UVSSA: variants seen among roughly 807,000 people sequenced by gnomAD.
UVSSA encodes UV-stimulated scaffold protein A.
UVSSA carries 72 observed loss-of-function variants against 73.9 expected under a neutral mutation model. That is an observed-to-expected ratio of 0.97 (90% CI 0.81 to 1.19). UVSSA has a LOEUF of 1.19. Among genes scored for constraint, UVSSA ranks in the 50% most tolerant of loss-of-function variants. The pLI is 0.00. For missense variants in UVSSA, 1,150 were observed against 965.0 expected, an observed-to-expected ratio of 1.19 and a Z score of -2.54; for synonymous variants, 454 against 391.3, an observed-to-expected ratio of 1.16 and a Z score of -1.89.
rs533644315 is a variant in UVSSA, at chr4:1,356,176, T to C, written c.1176+931T>C. On this transcript the variant is annotated intron_variant, in intron 7 of 13. Transcript: ENST00000389851. Reference sequence around the variant, plus strand: ...CCTGGCCTAGGAGATGGTGGCCTTTTGGCTCTCCCCACTTTAAGGAAAGCT... The same window carrying C: ...CCTGGCCTAGGAGATGGTGGCCTTTCGGCTCTCCCCACTTTAAGGAAAGCT... Among the ~76,000 whole-genome samples the C allele has an allele frequency of 9.3e-4, 142 of 152,268 alleles. 1 individual carries two copies. Among genetic ancestry groups the C allele is most frequent in the African/African-American group, 3.3e-3 (139 of 41,560 alleles).
At position 1,376,198 on chromosome 4, in the gene UVSSA, G is replaced by A. The variant is rs753512206; in HGVS notation, c.1568+30G>A. ...GTCCCCATGTGTCTGAAGTCGGCCA[G>A]GGCACACAACCAGGGTCCCAGCCTG... On this transcript the variant is annotated intron_variant, in intron 10 of 13. Coordinates refer to ENST00000389851, the MANE Select transcript of UVSSA (RefSeq NM_020894.4). 2.5e-6 allele frequency: 4 copies of A among 1,589,872 alleles called. No individual in the cohort carries two copies. The African/African-American group carries it at 5.4e-5, about 21-fold the overall frequency.
At chr4:1,375,021 CAG>C (rs1718580461) in intron 8 of UVSSA, 3 of 286,094 alleles carry the variant, frequency 1.0e-5, no homozygotes, top group Non-Finnish European at 6.6e-6. Flanking sequence ...GGGTGCCGGG[CAG>C]TCTGGGCTCT....
At chr4:1,378,565 A>C (rs1719053884) in intron 10 of UVSSA, among the ~76,000 whole-genome samples, 1 of 151,994 alleles carries the variant, frequency 6.6e-6, no homozygotes, top group South Asian at 2.1e-4. Context: ...AAAAATAGCC[A>C]GTGGTCCTCG....
chr4:1,374,999 G>T, intron 8 of UVSSA: 1 of 243,582 alleles, frequency 4.1e-6, no homozygotes, highest in Non-Finnish European at 8.0e-6. Flanking sequence ...AGCTGCCGGG[G>T]CTATGGGCAC....
chr4:1,389,574 T>A (rs1336459346), downstream of UVSSA: 1 of 152,246 alleles, frequency 6.6e-6, no homozygotes, highest in Non-Finnish European at 1.5e-5. Context: ...AGATGGGGTC[T>A]CACTATGTTG....
rs777295054 is a variant in UVSSA at position 1,380,961 on chromosome 4, C to T, written c.1834C>T (p.Arg612Trp). 129 of 1,612,710 alleles carry T rather than the reference C, an allele frequency of 8.0e-5. No homozygotes were observed. The highest frequency in any genetic ancestry group is 3.3e-4 in the East Asian group (15 of 44,868). The part of the protein sequence containing the change: ...DPEDRAREQR[R>W]QLQKQERPEW... ...GGAAGACAGGGCTCGTGAGCAGCGG[C>T]GGCAGCTGCAGAAGCAGGAGCGCCC... Residue 612 changes from arginine to tryptophan, a missense_variant, in exon 12 of 14, where the codon CGG becomes TGG. Coordinates refer to ENST00000389851, the MANE Select transcript of UVSSA (RefSeq NM_020894.4).
intron 2 of UVSSA, 56 bp from the exon 3 acceptor site, chr4:1,349,468 C>T (rs1338716400): frequency 8.4e-6 from 13 of 1,551,484 alleles, no homozygotes; most frequent in African/African-American, 1.4e-5. Flanking sequence ...GGAGAGTCTC[C>T]CCCCGCCCAT....
chr4:1,356,353 C>G (rs1412646266), intron 7 of UVSSA, among the ~76,000 whole-genome samples: 1 of 152,114 alleles, frequency 6.6e-6, no homozygotes, highest in Non-Finnish European at 1.5e-5. Flanking sequence ...GCCCCGCGTC[C>G]CCAACGTGGT....
downstream of UVSSA, chr4:1,390,680 A>C (rs1720391373): frequency 6.6e-6 from 1 of 152,278 alleles, no homozygotes; most frequent in Admixed American, 6.5e-5. Context: ...TTATTGGCAT[A>C]CCGTATTTTC....
intron 4 of UVSSA, 88 bp downstream of exon 4, chr4:1,351,923 C>T: frequency 6.4e-7 from 1 of 1,551,402 alleles, no homozygotes; most frequent in Non-Finnish European, 8.7e-7. Flanking sequence ...AGGGCCCCAG[C>T]CGCAAGGAAC....
chr4:1,359,533 A>G lies in UVSSA; in HGVS notation c.1176+4288A>G, dbSNP rs3796613. The G allele has an allele frequency of 7.2e-5, 11 of 152,194 alleles. No homozygotes were observed. The East Asian group carries it at 2.1e-3, about 29-fold the overall frequency. 9.4% of individuals were successfully genotyped at this position (152,194 alleles called of 1,614,324 possible). A position where few individuals can be genotyped will look rare whatever the true frequency, so the allele number is the denominator to read the frequency against. On this transcript the variant is annotated intron_variant, in intron 7 of 13. Transcript: ENST00000389851. ...AGTGAGTCAGAAACGCATCTTAAGC[A>G]TCGTTCTCTTTAGTACCGTCAGCGT... is the stretch of plus-strand genomic sequence containing the variant.
intron 7 of UVSSA, among the ~76,000 whole-genome samples, chr4:1,364,234 G>A (rs1367787731): frequency 4.6e-5 from 4 of 86,156 alleles, no homozygotes; most frequent in Admixed American, 1.0e-4. Flanking sequence ...CCCGGGCCCC[G>A]TGGCCTTGTG....
intron 8 of UVSSA, among the ~76,000 whole-genome samples, chr4:1,371,051 C>T (rs1479275093): frequency 1.3e-5 from 2 of 152,312 alleles, no homozygotes; most frequent in South Asian, 2.1e-4. Flanking sequence ...AGAGCATTCC[C>T]GGCTCTGCAC....
chr4:1,359,880 C>T (rs1243483300), intron 7 of UVSSA, among the ~76,000 whole-genome samples: 1 of 152,150 alleles, frequency 6.6e-6, no homozygotes, highest in African/African-American at 2.4e-5. Context: ...ACCCTGTCAG[C>T]CCCTGGGATC....
chr4:1,394,418 T>G lies in UVSSA; in HGVS notation c.*8457T>G, dbSNP rs1352720026. ...TATGGGTTTCATTTTCATATTGAAA[T>G]CATTGATCTACTTCTAGTTTTTGAT... On this transcript the variant is annotated 3_prime_UTR_variant, in exon 14 of 14. Transcript: ENST00000511216. The G allele has an allele frequency of 1.1e-5, 18 of 1,573,202 alleles. No homozygotes were observed. The African/African-American group carries it at 2.2e-4, about 19-fold the overall frequency.
At chr4:1,379,424 C>T (rs980734745) in intron 10 of UVSSA, among the ~76,000 whole-genome samples, 3 of 152,328 alleles carry the variant, frequency 2.0e-5, no homozygotes, top group African/African-American at 4.8e-5. Flanking sequence ...TGGCATCCGC[C>T]GGAAAGCGTC....
intron 7 of UVSSA, chr4:1,359,580 A>G (rs1471652912): frequency 6.6e-6 from 1 of 152,136 alleles, no homozygotes; most frequent in Non-Finnish European, 1.5e-5. Flanking sequence ...TCCTTCTGCT[A>G]GTTACCGGGT....
At chr4:1,360,516 C>A (rs2109150288) in intron 7 of UVSSA, among the ~76,000 whole-genome samples, 1 of 152,246 alleles carries the variant, frequency 6.6e-6, no homozygotes, top group East Asian at 1.9e-4. Context: ...CCAGGCCTGG[C>A]CTCCTGATGA....
At chr4:1,348,249 G>C (rs1490184543) in intron 2 of UVSSA, 60 bp downstream of exon 2, 5 of 1,379,478 alleles carry the variant, frequency 3.6e-6, no homozygotes, top group South Asian at 2.3e-5. Flanking sequence ...GACACACACA[G>C]GGCCCTGCCC....
Sources: allele counts gnomAD v4.1 joint callset (sites outside exome capture counted in the v4.1 genomes callset), GRCh38; gene constraint gnomAD v4.1.1; transcripts MANE v1.5; gene names NCBI Gene and HGNC (gene_info 2026-07-23, HGNC 2026-07-21).